Variants in NKAIN3 observed in about 807,000 individuals in gnomAD.
NKAIN3 encodes sodium/potassium-transporting ATPase subunit beta-1-interacting protein 3.
A neutral mutation model predicts 30.2 loss-of-function variants in NKAIN3; 25 were observed. The observed-to-expected ratio is 0.83, with a 90% CI of 0.60 to 1.16. The LOEUF is 1.16. Among genes scored for constraint, NKAIN3 ranks in the 50% most tolerant of loss-of-function variants. The pLI is 0.00. For synonymous variants in NKAIN3, 91 were observed against 89.6 expected (o/e 1.02, Z -0.09); for missense variants, 225 against 254.1 (o/e 0.89, Z 0.78).
chr8:62,922,627 C>G (rs4237062), intron 5 of NKAIN3, among the ~76,000 whole-genome samples: 103,461 of 152,048 alleles, frequency 0.68, 36,127 homozygotes, highest in East Asian at 0.9. Context: ...GTGAGTCAAA[C>G]ATGGAAAAAT....
intron 4 of NKAIN3, among the ~76,000 whole-genome samples, chr8:62,885,267 A>T (rs1821110318): frequency 6.6e-6 from 1 of 152,174 alleles, no homozygotes; most frequent in African/African-American, 2.4e-5. Flanking sequence ...ATGTTGCTTA[A>T]TCTGTAAGTA....
intron 4 of NKAIN3, among the ~76,000 whole-genome samples, chr8:62,887,909 C>G (rs1386733220): frequency 6.6e-6 from 1 of 152,120 alleles, no homozygotes; most frequent in Non-Finnish European, 1.5e-5. Context: ...TCTCTTCAAA[C>G]TAAGAAGTTT....
chr8:62,689,216 A>C (rs1355302382), intron 3 of NKAIN3, among the ~76,000 whole-genome samples: 27 of 152,132 alleles, frequency 1.8e-4, no homozygotes, highest in Admixed American at 1.8e-3. Flanking sequence ...GTTGTGATGC[A>C]ACAAAAAGTG....
In NKAIN3 at chr8:62,451,817, C is replaced by G. The variant is rs751531164; in HGVS notation, c.55-127722C>G. On this transcript the variant is annotated intron_variant, in intron 1 of 6. Coordinates refer to ENST00000623646, the MANE Select transcript of NKAIN3 (RefSeq NM_001304533.3). ...TTGTATAATATTAAAGCTCGAAGAGCCTAGAAAGCTTCAGAAATGACCTTT... is the reference window on the plus strand; with the variant it reads ...TTGTATAATATTAAAGCTCGAAGAGGCTAGAAAGCTTCAGAAATGACCTTT... Among the ~76,000 whole-genome samples, 29 of 152,012 alleles carry G rather than the reference C, an allele frequency of 1.9e-4. 1 individual carries two copies. Among genetic ancestry groups the G allele is most frequent in the Non-Finnish European group, 4.1e-4 (28 of 68,004 alleles).
chr8:62,342,266 A>G (rs914063633), intron 1 of NKAIN3, among the ~76,000 whole-genome samples: 9 of 151,226 alleles, frequency 6.0e-5, no homozygotes. Flanking sequence ...AGAAAATAAA[A>G]TAAAAGGAAA....
intron 1 of NKAIN3, among the ~76,000 whole-genome samples, chr8:62,542,539 G>A (rs769150108): frequency 1.8e-4 from 28 of 152,092 alleles, no homozygotes; most frequent in Non-Finnish European, 3.7e-4. Context: ...GCATATAATG[G>A]ATGACATCTC....
intron 4 of NKAIN3, among the ~76,000 whole-genome samples, chr8:62,781,693 A>G (rs914424464): frequency 1.3e-5 from 2 of 151,624 alleles, no homozygotes; most frequent in African/African-American, 4.8e-5. Flanking sequence ...ACCGTCTTCA[A>G]AAAAAAAGAA....
chr8:62,859,619 C>T (rs1022047333), intron 4 of NKAIN3, among the ~76,000 whole-genome samples: 3 of 150,256 alleles, frequency 2.0e-5, no homozygotes, highest in Non-Finnish European at 3.0e-5. Context: ...TGTGTGTGTG[C>T]ATGCGTGTGT....
chr8:62,448,806 G>T (rs1392092066), intron 1 of NKAIN3, among the ~76,000 whole-genome samples: 5 of 151,940 alleles, frequency 3.3e-5, no homozygotes, highest in Non-Finnish European at 7.4e-5. Context: ...TAAAGCATAT[G>T]ATGTTGTATG....
intron 1 of NKAIN3, among the ~76,000 whole-genome samples, chr8:62,563,200 C>T (rs1243171541): frequency 6.6e-6 from 1 of 152,078 alleles, no homozygotes; most frequent in Non-Finnish European, 1.5e-5. Context: ...TGGACTATAA[C>T]TGCATTTTTT....
At chr8:62,853,714 A>T (rs1426425330) in intron 4 of NKAIN3, among the ~76,000 whole-genome samples, 1 of 151,950 alleles carries the variant, frequency 6.6e-6, no homozygotes, top group Non-Finnish European at 1.5e-5. Context: ...CCTTCAATTC[A>T]GCTCTGATGT....
intron 1 of NKAIN3, among the ~76,000 whole-genome samples, chr8:62,528,189 C>G (rs985174578): frequency 6.7e-6 from 1 of 148,652 alleles, no homozygotes; most frequent in Non-Finnish European, 1.5e-5. Flanking sequence ...TATATATATA[C>G]TTGGACGTAA....
At chr8:62,354,550 T>C (rs1216401239) in intron 1 of NKAIN3, among the ~76,000 whole-genome samples, 2 of 152,130 alleles carry the variant, frequency 1.3e-5, no homozygotes, top group East Asian at 3.9e-4. Flanking sequence ...TTCAAGTGAT[T>C]CTCCTGCCTC....
chr8:62,963,731 A>G (rs971190993), intron 6 of NKAIN3, among the ~76,000 whole-genome samples: 1 of 152,160 alleles, frequency 6.6e-6, no homozygotes, highest in East Asian at 1.9e-4. Flanking sequence ...CAGAATGTAG[A>G]GAATAGATGA....
chr8:62,958,036 A>G (rs546359211), intron 6 of NKAIN3, among the ~76,000 whole-genome samples: 1 of 152,236 alleles, frequency 6.6e-6, no homozygotes, highest in East Asian at 1.9e-4. Flanking sequence ...TTAAAATATT[A>G]AGTCTTTAAG....
chr8:62,904,864 C>A (rs564100634), intron 4 of NKAIN3, among the ~76,000 whole-genome samples: 1 of 152,080 alleles, frequency 6.6e-6, no homozygotes. Flanking sequence ...AATCACCATG[C>A]GAAATGTGCC....
At chr8:62,250,021 T>G (rs763968761) in intron 1 of NKAIN3, among the ~76,000 whole-genome samples, 6 of 152,238 alleles carry the variant, frequency 3.9e-5, no homozygotes, top group Non-Finnish European at 5.9e-5. Flanking sequence ...CTCCCTTGCG[T>G]TATACTTCAG....
chr8:62,353,481 T>G (rs181274878), intron 1 of NKAIN3, among the ~76,000 whole-genome samples: 75 of 152,350 alleles, frequency 4.9e-4, no homozygotes, highest in African/African-American at 1.6e-3. Flanking sequence ...TATTCATCTA[T>G]TCATTCATTA....
chr8:62,394,340 A>G (rs1817665043), intron 1 of NKAIN3, among the ~76,000 whole-genome samples: 1 of 152,002 alleles, frequency 6.6e-6, no homozygotes, highest in Admixed American at 6.5e-5. Flanking sequence ...TATTACATTT[A>G]GGTAATATGC....
Sources: gnomAD v4.1 joint callset for allele counts (sites outside exome capture counted in the v4.1 genomes callset) on GRCh38, gnomAD v4.1.1 for gene constraint, MANE v1.5 for transcripts, NCBI Gene and HGNC (gene_info 2026-07-23, HGNC 2026-07-21) for gene names.